The following KCTD8 variants were observed in gnomAD, a reference collection of about 807,000 sequenced individuals.
The protein encoded by KCTD8 is BTB/POZ domain-containing protein KCTD8.
A neutral mutation model predicts 31.5 loss-of-function variants in KCTD8; 27 were observed. That is an observed-to-expected ratio of 0.86 (90% CI 0.63 to 1.18). The LOEUF (loss-of-function observed/expected upper bound fraction) is 1.18. Ranked by LOEUF, KCTD8 falls within the 50% of genes most tolerant of loss-of-function variation. The pLI is 0.00. For synonymous variants in KCTD8, 290 were observed against 280.0 expected, an observed-to-expected ratio of 1.04 and a Z score of -0.36; for missense variants, 658 against 647.7, an observed-to-expected ratio of 1.02 and a Z score of -0.17.
chr4:44,398,619 C>T (rs1030739173), intron 1 of KCTD8, among the ~76,000 whole-genome samples: 12 of 152,180 alleles, frequency 7.9e-5, no homozygotes, highest in Non-Finnish European at 1.5e-5. Flanking sequence ...AGGTCTATCA[C>T]AGAATTAAAG....
intron 1 of KCTD8, among the ~76,000 whole-genome samples, chr4:44,335,865 T>C (rs958796550): frequency 6.6e-6 from 1 of 151,944 alleles, no homozygotes; most frequent in Non-Finnish European, 1.5e-5. Context: ...AGAAAAAATA[T>C]AAAGGCCGGG....
At chr4:44,442,412 C>A (rs2109485144) in intron 1 of KCTD8, among the ~76,000 whole-genome samples, 1 of 152,118 alleles carries the variant, frequency 6.6e-6, no homozygotes, top group South Asian at 2.1e-4. Flanking sequence ...CACGGTGAAA[C>A]CCCATCTCTA....
At chr4:44,398,817 C>G (rs542915439) in intron 1 of KCTD8, among the ~76,000 whole-genome samples, 30 of 152,226 alleles carry the variant, frequency 2.0e-4, no homozygotes, top group African/African-American at 7.2e-4. Context: ...ACTGAGCACT[C>G]TATTTGTGGA....
At chr4:44,221,443 T>G (rs796766528) in intron 1 of KCTD8, among the ~76,000 whole-genome samples, 16 of 151,904 alleles carry the variant, frequency 1.1e-4, no homozygotes, top group African/African-American at 3.9e-4. Flanking sequence ...ATAGGATAGA[T>G]GTATATATGA....
chr4:44,392,971 C>T (rs56258400), intron 1 of KCTD8, among the ~76,000 whole-genome samples: 22,704 of 151,974 alleles, frequency 0.15, 1,883 homozygotes, highest in Non-Finnish European at 0.19. Flanking sequence ...CAAAGAAGTA[C>T]TTTCTTCCCA....
intron 1 of KCTD8, among the ~76,000 whole-genome samples, chr4:44,335,992 T>C (rs1159179862): frequency 6.7e-6 from 1 of 149,252 alleles, no homozygotes; most frequent in Admixed American, 6.7e-5. Context: ...CTACTAAAAA[T>C]ACAAAAAATT....
intron 1 of KCTD8, among the ~76,000 whole-genome samples, chr4:44,397,569 C>G (rs746191511): frequency 6.6e-6 from 1 of 152,110 alleles, no homozygotes; most frequent in African/African-American, 2.4e-5. Context: ...AAATTTTAAG[C>G]GGAGGAACCA....
intron 1 of KCTD8, among the ~76,000 whole-genome samples, chr4:44,329,623 C>A (rs561427953): frequency 6.6e-6 from 1 of 151,868 alleles, no homozygotes; most frequent in South Asian, 2.1e-4. Context: ...TACAATTAGC[C>A]CTTATCTTGC....
intron 1 of KCTD8, among the ~76,000 whole-genome samples, chr4:44,286,470 G>A (rs1717073582): frequency 6.6e-6 from 1 of 151,992 alleles, no homozygotes; most frequent in Non-Finnish European, 1.5e-5. Flanking sequence ...CTTCAAAATG[G>A]ATCCATAACT....
At chr4:44,200,159 A>G (rs1290115412) in intron 1 of KCTD8, among the ~76,000 whole-genome samples, 1 of 151,582 alleles carries the variant, frequency 6.6e-6, no homozygotes, top group Non-Finnish European at 1.5e-5. Context: ...TGAATGTTAT[A>G]ATAAAAAAAA....
intron 1 of KCTD8, among the ~76,000 whole-genome samples, chr4:44,305,726 T>A (rs1317284793): frequency 6.6e-6 from 1 of 151,870 alleles, no homozygotes; most frequent in Admixed American, 6.6e-5. Context: ...AGTATATGTG[T>A]GTATGTTTAC....
intron 1 of KCTD8, among the ~76,000 whole-genome samples, chr4:44,218,585 A>AAT (rs1304367409): frequency 1.3e-5 from 2 of 148,624 alleles, no homozygotes; most frequent in African/African-American, 2.5e-5. Flanking sequence ...TATATATATA[A>AAT]ATATATATAG....
intron 1 of KCTD8, among the ~76,000 whole-genome samples, chr4:44,447,327 T>C (rs1721967408): frequency 6.6e-6 from 1 of 152,208 alleles, no homozygotes; most frequent in Non-Finnish European, 1.5e-5. Context: ...AGTAGACAGC[T>C]GGGAGCTGGG....
At chr4:44,404,841 A>C (rs1221634965) in intron 1 of KCTD8, among the ~76,000 whole-genome samples, 1 of 152,200 alleles carries the variant, frequency 6.6e-6, no homozygotes, top group Non-Finnish European at 1.5e-5. Context: ...CTCACTTTGA[A>C]CATTCCTTGA....
At chr4:44,377,515 G>A (rs1719946578) in intron 1 of KCTD8, among the ~76,000 whole-genome samples, 1 of 152,146 alleles carries the variant, frequency 6.6e-6, no homozygotes, top group Non-Finnish European at 1.5e-5. Flanking sequence ...CTAAAAGAAG[G>A]CACAGCTGCA....
At chr4:44,263,491 C>T (rs1012016174) in intron 1 of KCTD8, among the ~76,000 whole-genome samples, 2 of 152,068 alleles carry the variant, frequency 1.3e-5, no homozygotes, top group African/African-American at 4.8e-5. Flanking sequence ...TTAAACACTG[C>T]ATTTGTATTG....
At chr4:44,315,322 C>T (rs1718074285) in intron 1 of KCTD8, among the ~76,000 whole-genome samples, 1 of 151,934 alleles carries the variant, frequency 6.6e-6, no homozygotes, top group Non-Finnish European at 1.5e-5. Flanking sequence ...GGGCTTATAA[C>T]TTTTACATTC....
chr4:44,448,146 C>T lies in KCTD8; in HGVS notation c.378G>A (p.Glu126=). ...KQLALPEHFP[E]KERLLREAEY... is the part of the protein sequence containing the mutation. ...CGGCCTCGCGCAGCAGCCGCTCCTT[C>T]TCGGGGAAGTGCTCCGGCAGCGCGA... The change falls in exon 1 of 2, where the codon GAG becomes GAA. Residue 126 remains glutamate, a synonymous_variant. Transcript: ENST00000360029. This position sits in a 1 kb window ranked among gnomAD's most constrained non-coding sequence, Gnocchi z 4.1. The T allele has an allele frequency of 6.2e-7, 1 of 1,612,678 alleles. No individual in the cohort carries two copies. The highest frequency in any genetic ancestry group is 1.7e-4 in the Middle Eastern group (1 of 6,060).
At chr4:44,436,025 C>T (rs1721634645) in intron 1 of KCTD8, among the ~76,000 whole-genome samples, 1 of 152,038 alleles carries the variant, frequency 6.6e-6, no homozygotes, top group African/African-American at 2.4e-5. Context: ...TATGGTAATA[C>T]TTGAATCAGG....
Sources: gnomAD v4.1 joint callset for allele counts (sites outside exome capture counted in the v4.1 genomes callset) on GRCh38, gnomAD v4.1.1 for gene constraint, Gnocchi (gnomAD v3.1) non-coding constraint, MANE v1.5 for transcripts, NCBI Gene and HGNC (gene_info 2026-07-23, HGNC 2026-07-21) for gene names.